Variants in MBP observed in about 807,000 individuals in gnomAD.
MBP encodes the protein Golli-MBP.
In MBP, 16 loss-of-function variants were observed where a neutral mutation model predicts 35.8. The observed-to-expected ratio is 0.45, with a 90% CI of 0.30 to 0.68. MBP has a LOEUF of 0.68. Ranked by LOEUF, MBP falls within the 30% of genes least tolerant of loss-of-function variation. The probability of loss-of-function intolerance (pLI) is 0.08; values close to 1 mark genes in which losing one functional copy is unlikely to be tolerated. For synonymous variants in MBP, 143 were observed against 159.6 expected (o/e 0.90, Z 0.78); for missense variants, 380 against 404.7 (o/e 0.94, Z 0.52).
chr18:76,980,112 T>A lies in MBP; in HGVS notation c.*315A>T. The A allele has an allele frequency of 1.5e-6, 1 of 685,026 alleles. No individual in the cohort carries two copies. The highest frequency in any genetic ancestry group is 2.6e-6 in the Non-Finnish European group (1 of 378,288). 42.4% of individuals were successfully genotyped at this position (685,026 alleles called of 1,614,324 possible). On this transcript the variant is annotated 3_prime_UTR_variant, in exon 9 of 9. Transcript: ENST00000355994. ...AAAAGAAAGTCCAAGGGTGGAGGGG[T>A]GAACGTGGAGGGACGTCTGTGCACC...
intron 3 of MBP, among the ~76,000 whole-genome samples, chr18:77,035,020 A>C (rs1223472387): frequency 6.6e-6 from 1 of 152,198 alleles, no homozygotes; most frequent in African/African-American, 2.4e-5. Flanking sequence ...CAGGGGCTTC[A>C]ATGTGCGGAG....
In MBP at chr18:77,036,267, AG is replaced by A. The variant is rs1284358686; in HGVS notation, c.140-19000del. Among the ~76,000 whole-genome samples the A allele has an allele frequency of 4.2e-3, 472 of 111,576 alleles. 9 individuals are homozygous for A. Among genetic ancestry groups the A allele is most frequent in the African/African-American group, 0.016 (431 of 26,426 alleles). 73.2% of individuals were successfully genotyped at this position (111,576 alleles called of 152,430 possible). The stretch of plus-strand genomic sequence containing the variant: ...TGAGCAAGTGCTGGTCACATTTTGG[AG>A]GACTGAGCTGAGCAAGTGCTGGTCA... On this transcript the variant is annotated intron_variant, in intron 3 of 8. Transcript: ENST00000355994.
chr18:77,000,405 A>G (rs1286459435), intron 4 of MBP, among the ~76,000 whole-genome samples: 2 of 152,226 alleles, frequency 1.3e-5, no homozygotes, highest in Non-Finnish European at 2.9e-5. Context: ...TCTTCCTATC[A>G]GTAGAGCTTT....
chr18:77,080,547 G>C (rs181790057), intron 2 of MBP, among the ~76,000 whole-genome samples: 1 of 152,254 alleles, frequency 6.6e-6, no homozygotes, highest in Non-Finnish European at 1.5e-5. Flanking sequence ...CAGATGTCCC[G>C]TAGGGGCAAA....
chr18:77,114,248 G>A (rs957904159), intron 1 of MBP: 6 of 152,178 alleles, frequency 3.9e-5, no homozygotes, highest in African/African-American at 1.4e-4. Context: ...AGAAAATGAC[G>A]AGATTGCAGA....
intron 2 of MBP, among the ~76,000 whole-genome samples, chr18:77,078,108 C>G (rs1275158809): frequency 1.3e-5 from 2 of 152,214 alleles, no homozygotes; most frequent in Non-Finnish European, 2.9e-5. Flanking sequence ...GTGGAAGATG[C>G]ATTTTCATGG....
At chr18:77,070,917 G>A (rs1307607899) in intron 2 of MBP, among the ~76,000 whole-genome samples, 4 of 152,214 alleles carry the variant, frequency 2.6e-5, no homozygotes, top group Admixed American at 2.6e-4. Context: ...GCTTGTTCCC[G>A]CGTAGCTGGA....
intron 2 of MBP, chr18:77,093,176 G>C (rs1230732480): frequency 6.6e-6 from 1 of 152,166 alleles, no homozygotes; most frequent in Non-Finnish European, 1.5e-5. Flanking sequence ...CCCTCAGCCA[G>C]ACCCGGGGTC....
chr18:77,070,865 G>A (rs1175124495), intron 2 of MBP, among the ~76,000 whole-genome samples: 2 of 152,164 alleles, frequency 1.3e-5, no homozygotes, highest in African/African-American at 2.4e-5. Flanking sequence ...CCAGGACGTC[G>A]GCGGGCGGAA....
intron 4 of MBP, among the ~76,000 whole-genome samples, chr18:76,998,343 ACCTT>A (rs1568276015): frequency 0.025 from 770 of 31,028 alleles, 11 homozygotes; most frequent in Admixed American, 0.1. Flanking sequence ...ATCCCCTTCC[ACCTT>A]CCACCGTTAG....
At chr18:77,051,713 A>C (rs1257038786) in intron 3 of MBP, among the ~76,000 whole-genome samples, 1 of 152,184 alleles carries the variant, frequency 6.6e-6, no homozygotes, top group Non-Finnish European at 1.5e-5. Context: ...CCTTCCAGGG[A>C]GAAGAAGAAA....
chr18:77,108,344 A>T (rs1044989461), intron 1 of MBP: 5 of 152,244 alleles, frequency 3.3e-5, no homozygotes, highest in Non-Finnish European at 5.9e-5. Flanking sequence ...TTGGGTAAAC[A>T]TGTGAAATGC....
intron 1 of MBP, chr18:77,108,470 CAG>C (rs1326710680): frequency 1.3e-5 from 2 of 152,182 alleles, no homozygotes; most frequent in African/African-American, 4.8e-5. Flanking sequence ...GTGGGAGGGA[CAG>C]ACTTTCAGAT....
chr18:77,081,363 A>G (rs576886259), intron 2 of MBP, among the ~76,000 whole-genome samples: 6 of 152,352 alleles, frequency 3.9e-5, no homozygotes, highest in South Asian at 2.1e-4. Context: ...CAACAAAAAG[A>G]CAAAAACCCA....
In MBP at chr18:77,063,484, A is replaced by G. The variant is rs138612259; in HGVS notation, c.139+2814T>C. Among the ~76,000 whole-genome samples the G allele has an allele frequency of 2.4e-3, 370 of 152,278 alleles. 1 individual carries two copies. Among genetic ancestry groups the G allele is most frequent in the African/African-American group, 7.9e-3 (329 of 41,568 alleles). The stretch of plus-strand genomic sequence containing the variant: ...TCAACCTGAATCAGGCATCAGCTGC[A>G]AAGGCCTGAAGGTGACTCTTGAGAA... On this transcript the variant is annotated intron_variant, in intron 3 of 8. Coordinates refer to ENST00000355994, the MANE Select transcript of MBP (RefSeq NM_001025101.2).
At chr18:77,117,739 G>GGTTGGAGTGGGATAGGGGACGGTGC (rs1568347984) in intron 1 of MBP, among the ~76,000 whole-genome samples, 1 of 138,846 alleles carries the variant, frequency 7.2e-6, no homozygotes, top group East Asian at 2.1e-4. Flanking sequence ...CTGAGCAGTG[G>GGTTGGAGTGGGATAGGGGACGGTGC]GTTGGAGTGG....
At chr18:76,999,556 C>T (rs999953578) in intron 4 of MBP, among the ~76,000 whole-genome samples, 3 of 151,618 alleles carry the variant, frequency 2.0e-5, no homozygotes, top group Non-Finnish European at 2.9e-5. Flanking sequence ...TGGGTTCAAG[C>T]GATTCTCATA....
chr18:77,076,239 A>C (rs905450191), intron 2 of MBP, among the ~76,000 whole-genome samples: 1 of 152,168 alleles, frequency 6.6e-6, no homozygotes, highest in Non-Finnish European at 1.5e-5. Context: ...TCCTGCTAAC[A>C]CAGTGGGGTG....
chr18:77,100,511 GTGTGTGTGTGTGTGTGT>G (rs1975958377), intron 2 of MBP, among the ~76,000 whole-genome samples: 1 of 52,328 alleles, frequency 1.9e-5, no homozygotes, highest in African/African-American at 1.2e-4. Context: ...AATTTGGGGT[GTGTGTGTGTGTGTGTGT>G]GTGTGTGTGT....
Sources: gnomAD v4.1 joint callset for allele counts (sites outside exome capture counted in the v4.1 genomes callset) on GRCh38, gnomAD v4.1.1 for gene constraint, MANE v1.5 for transcripts, NCBI Gene and HGNC (gene_info 2026-07-23, HGNC 2026-07-21) for gene names.